Variants in KLHDC4 observed in about 807,000 individuals in gnomAD.
KLHDC4 encodes the protein kelch domain-containing protein 4.
Under a neutral mutation model 62.4 loss-of-function variants are expected in KLHDC4, and 90 were observed. That is an observed-to-expected ratio of 1.44 (90% CI 1.22 to 1.72). The LOEUF is 1.72. Among genes scored for constraint, KLHDC4 ranks in the 40% most tolerant of loss-of-function variants. KLHDC4 has a pLI of 0.00. For synonymous variants in KLHDC4, 386 were observed against 284.4 expected (o/e 1.36, Z -3.59); for missense variants, 1,025 against 699.7 (o/e 1.47, Z -5.25).
chr16:87,701,604 C>G, exon 1 of KLHDC4: 1 of 430,404 alleles, frequency 2.3e-6, no homozygotes, highest in Non-Finnish European at 4.7e-6. Context: ...CTGGGGTCGG[C>G]AGAGTGGGCC....
intron 1 of KLHDC4, chr16:87,763,530 G>A (rs983438415): frequency 4.6e-5 from 7 of 152,216 alleles, no homozygotes; most frequent in African/African-American, 1.4e-4. Flanking sequence ...GCTTGAGCCT[G>A]GGAGGCAGAG....
intron 7 of KLHDC4, among the ~76,000 whole-genome samples, chr16:87,722,283 A>G (rs1040835719): frequency 6.6e-6 from 1 of 152,176 alleles, no homozygotes; most frequent in Non-Finnish European, 1.5e-5. Context: ...CAGAGCCTGG[A>G]GGGTGTTTAA....
chr16:87,711,154 G>T (rs1284450565), intron 9 of KLHDC4, 81 bp downstream of exon 9: 2 of 1,476,404 alleles, frequency 1.4e-6, no homozygotes. Context: ...AATACCAAAA[G>T]GTGCTGGAGG....
chr16:87,704,543 C>G (rs1322125648), downstream of KLHDC4, among the ~76,000 whole-genome samples: 16 of 139,938 alleles, frequency 1.1e-4, no homozygotes, highest in African/African-American at 4.3e-4. Context: ...GGGAGGGGTC[C>G]TGAACGTCAC....
chr16:87,753,933 A>G (rs12599399), intron 4 of KLHDC4, among the ~76,000 whole-genome samples: 7,818 of 145,756 alleles, frequency 0.054, 321 homozygotes, highest in East Asian at 0.16. Context: ...AGATCACACC[A>G]TTGTACTCTT....
rs180739977 is a variant in KLHDC4 at position 87,749,671 on chromosome 16, C to A, written c.370-862G>T. 1.6e-4 allele frequency among the ~76,000 whole-genome samples: 24 copies of A among 152,242 alleles called. No individual in the cohort carries two copies. The East Asian group carries it at 3.3e-3, about 21-fold the overall frequency. ...CCATCATCACTCACTGCAGCCTCGA[C>A]CTCATGGTTTCAAGTGACCCTCCCA... On this transcript the variant is annotated intron_variant, in intron 4 of 11. Transcript: ENST00000270583.
intron 2 of KLHDC4, among the ~76,000 whole-genome samples, chr16:87,756,788 A>G (rs1263147274): frequency 1.3e-5 from 2 of 151,822 alleles, no homozygotes; most frequent in African/African-American, 2.4e-5. Context: ...TGATGTATCA[A>G]ATGTTCCAGA....
chr16:87,725,757 A>C (rs573818464), intron 7 of KLHDC4, among the ~76,000 whole-genome samples: 79 of 152,166 alleles, frequency 5.2e-4, no homozygotes, highest in African/African-American at 1.8e-3. Context: ...AGGAGCACAC[A>C]CTCCACGAGC....
chr16:87,751,752 T>G (rs1437775494), intron 4 of KLHDC4, among the ~76,000 whole-genome samples: 1 of 151,772 alleles, frequency 6.6e-6, no homozygotes, highest in African/African-American at 2.4e-5. Context: ...ACCCTATTTC[T>G]AAAATATAAA....
intron 7 of KLHDC4, among the ~76,000 whole-genome samples, chr16:87,724,991 C>A (rs147322458): frequency 2.6e-3 from 402 of 152,296 alleles, no homozygotes; most frequent in South Asian, 6.8e-3. Flanking sequence ...AACTGTGGGA[C>A]AGTCATATAA....
At position 87,734,646 on chromosome 16, in the gene KLHDC4, A is replaced by G. The variant is rs145023939; in HGVS notation, c.507-4002T>C. On this transcript the variant is annotated intron_variant, in intron 5 of 11. Transcript: ENST00000270583. The stretch of plus-strand genomic sequence containing the variant: ...CCAGAAGCAATCAGTTCCTTTTTCT[A>G]GACACCAATTCTATTAATCCAACCC... Among the ~76,000 whole-genome samples the G allele has an allele frequency of 1.1e-3, 163 of 152,248 alleles. No individual in the cohort carries two copies. In the Middle Eastern group the frequency reaches 0.014, roughly 13 times the overall value.
intron 5 of KLHDC4, among the ~76,000 whole-genome samples, chr16:87,740,428 C>A (rs563986727): frequency 6.6e-6 from 1 of 152,128 alleles, no homozygotes; most frequent in African/African-American, 2.4e-5. Flanking sequence ...CAGGAGCAGC[C>A]GCCTCCCCTC....
rs867091066 is a variant in KLHDC4, at chr16:87,748,722, T to C, written c.457A>G (p.Lys153Glu). ...SPNGEQFYHYKDLWVLHLATK... is the reference protein window; with the variant it reads ...SPNGEQFYHYEDLWVLHLATK... ...GCCAAATGCAGGACCCAGAGATCCT[T>C]GTAGTGGTAGAACTGCTCTCCGTTG... The change falls in exon 5 of 12, where the codon AAG becomes GAG. Residue 153 changes from lysine to glutamate, a missense_variant. Lys to Glu is a moderately conservative substitution (Grantham distance 56, BLOSUM62 1). Transcript: ENST00000270583. 15 of 1,613,488 alleles carry C rather than the reference T, an allele frequency of 9.3e-6. No individual in the cohort carries two copies. Among genetic ancestry groups the C allele is most frequent in the African/African-American group, 1.3e-5 (1 of 74,700 alleles).
At chr16:87,742,602 G>A (rs1011685373) in intron 5 of KLHDC4, among the ~76,000 whole-genome samples, 3 of 152,160 alleles carry the variant, frequency 2.0e-5, no homozygotes, top group African/African-American at 7.2e-5. Flanking sequence ...AGGGTACAAG[G>A]AGAGGTTAGG....
At chr16:87,761,888 G>A in intron 2 of KLHDC4, 61 bp downstream of exon 2, 1 of 1,500,264 alleles carries the variant, frequency 6.7e-7, no homozygotes, top group African/African-American at 1.4e-5. Flanking sequence ...GCTATTTAAA[G>A]CAGTTTTTCA....
chr16:87,763,175 A>G (rs2046130792), intron 1 of KLHDC4, among the ~76,000 whole-genome samples: 1 of 152,214 alleles, frequency 6.6e-6, no homozygotes, highest in Non-Finnish European at 1.5e-5. Flanking sequence ...TGTCACCCAC[A>G]TGTACCCACC....
At chr16:87,753,024 G>C (rs1336298299) in intron 4 of KLHDC4, among the ~76,000 whole-genome samples, 3 of 152,208 alleles carry the variant, frequency 2.0e-5, no homozygotes, top group Non-Finnish European at 2.9e-5. Flanking sequence ...AGCCCCTGCA[G>C]GCAGCTCCTT....
At chr16:87,743,394 C>T (rs1000046866) in intron 5 of KLHDC4, among the ~76,000 whole-genome samples, 1 of 152,150 alleles carries the variant, frequency 6.6e-6, no homozygotes, top group African/African-American at 2.4e-5. Flanking sequence ...TGCACCCGGC[C>T]TGGACTCTAC....
chr16:87,700,457 A>AGGCGGAGGGAGGAGGGCAGGG (rs2034080447), exon 1 of KLHDC4: 1 of 153,778 alleles, frequency 6.5e-6, no homozygotes, highest in Non-Finnish European at 1.4e-5. Flanking sequence ...ATTCCAGATA[A>AGGCGGAGGGAGGAGGGCAGGG]GGCGGAGGGA....
Sources: gnomAD v4.1 joint callset for allele counts (sites outside exome capture counted in the v4.1 genomes callset) on GRCh38, gnomAD v4.1.1 for gene constraint, MANE v1.5 for transcripts, NCBI Gene and HGNC (gene_info 2026-07-23, HGNC 2026-07-21) for gene names.